Variants in FBXL2 observed in about 807,000 individuals in gnomAD.
FBXL2 encodes the protein F-box/LRR-repeat protein 2.
In FBXL2, 38 loss-of-function variants were observed where a neutral mutation model predicts 69.2. That is an observed-to-expected ratio of 0.55 (90% confidence interval 0.42 to 0.72). FBXL2 has a LOEUF of 0.72. Ranked by LOEUF, FBXL2 falls within the 30% of genes least tolerant of loss-of-function variation. FBXL2 has a pLI of 0.00. For missense variants in FBXL2, 354 were observed against 520.3 expected, an observed-to-expected ratio of 0.68 and a Z score of 3.11; for synonymous variants, 192 against 201.3, an observed-to-expected ratio of 0.95 and a Z score of 0.39.
At chr3:33,396,184 C>T (rs1460291806) in intron 12 of FBXL2, 8 of 1,584,890 alleles carry the variant, frequency 5.0e-6, no homozygotes, top group Non-Finnish European at 6.9e-6. Flanking sequence ...CACTGCCATT[C>T]TCGCTTGCAC....
At chr3:33,348,733 A>G (rs919580357) in intron 2 of FBXL2, among the ~76,000 whole-genome samples, 1 of 152,004 alleles carries the variant, frequency 6.6e-6, no homozygotes, top group Admixed American at 6.5e-5. Context: ...CTTCTAACCC[A>G]TGAACATGGA....
intron 5 of FBXL2, among the ~76,000 whole-genome samples, chr3:33,370,195 A>G (rs2042201139): frequency 6.6e-6 from 1 of 151,812 alleles, no homozygotes; most frequent in Admixed American, 6.6e-5. Context: ...CGGGCGGATC[A>G]TGAGGTCAGG....
At chr3:33,361,476 A>T (rs1413696749) in intron 4 of FBXL2, among the ~76,000 whole-genome samples, 2 of 151,324 alleles carry the variant, frequency 1.3e-5, no homozygotes, top group Admixed American at 1.3e-4. Context: ...GTGCCATTGC[A>T]CTCTAGCCTG....
rs999992337 is a variant in FBXL2 at position 33,385,765 on chromosome 3, G to A, written c.*157G>A. Reference sequence around the variant, plus strand: ...CTGTATGGATTGCAGTTACTCTGGTGATAGTTTTCACCTTTATTCTGCTGT... The same window carrying A: ...CTGTATGGATTGCAGTTACTCTGGTAATAGTTTTCACCTTTATTCTGCTGT... On this transcript the variant is annotated 3_prime_UTR_variant, in exon 15 of 15. Transcript: ENST00000484457. 4.8e-6 allele frequency: 3 copies of A among 630,588 alleles called. No homozygotes were observed. The highest frequency in any genetic ancestry group is 3.8e-5 in the South Asian group (2 of 52,800). 39.1% of individuals were successfully genotyped at this position (630,588 alleles called of 1,614,324 possible). A position where few individuals can be genotyped will look rare whatever the true frequency, so the allele number is the denominator to read the frequency against.
At chr3:33,357,771 C>T (rs959368078) in intron 2 of FBXL2, among the ~76,000 whole-genome samples, 1 of 152,026 alleles carries the variant, frequency 6.6e-6, no homozygotes, top group African/African-American at 2.4e-5. Flanking sequence ...CCTCGTGATC[C>T]GCCCACCTCG....
intron 1 of FBXL2, among the ~76,000 whole-genome samples, chr3:33,295,721 G>A (rs1486338043): frequency 1.3e-5 from 2 of 152,186 alleles, no homozygotes; most frequent in Non-Finnish European, 2.9e-5. Flanking sequence ...GAGAGTTCCA[G>A]TTTCTCCACA....
In FBXL2 at chr3:33,386,364, C is replaced by CTAAT. The variant is rs1304982301; in HGVS notation, c.*759_*762dup. On this transcript the variant is annotated 3_prime_UTR_variant, in exon 15 of 15. Transcript: ENST00000484457. ...ACACATTTTTACTAAAGGAAAAAAG[C>CTAAT]TAATTATGTCCATGCCTCTCGTAAA... is the stretch of plus-strand genomic sequence containing the variant. The CTAAT allele has an allele frequency of 6.6e-6, 1 of 152,194 alleles. No individual in the cohort carries two copies. The highest frequency in any genetic ancestry group is 1.5e-5 in the Non-Finnish European group (1 of 68,036). 9.4% of individuals were successfully genotyped at this position (152,194 alleles called of 1,614,324 possible). A position where few individuals can be genotyped will look rare whatever the true frequency, so the allele number is the denominator to read the frequency against.
chr3:33,412,629 C>A, the FBXL2 span: 1 of 855,266 alleles, frequency 1.2e-6, no homozygotes, highest in South Asian at 1.6e-5. Context: ...AAAACTTTCC[C>A]CACACAAGTA....
chr3:33,375,798 G>C (rs2042596321), intron 10 of FBXL2, among the ~76,000 whole-genome samples: 1 of 152,146 alleles, frequency 6.6e-6, no homozygotes, highest in South Asian at 2.1e-4. Context: ...TGGACAGAAT[G>C]AGGGGAATAT....
chr3:33,297,318 A>G (rs1308165523), intron 1 of FBXL2, among the ~76,000 whole-genome samples: 4 of 152,074 alleles, frequency 2.6e-5, no homozygotes, highest in Admixed American at 2.6e-4. Context: ...GTGCATTTTT[A>G]GAATTTTCTA....
chr3:33,397,119 T>C (rs2154055318), intron 12 of FBXL2: 2 of 1,595,984 alleles, frequency 1.3e-6, no homozygotes, highest in African/African-American at 1.4e-5. Flanking sequence ...CCTTTGTCAG[T>C]TTTAATAAGT....
chr3:33,359,206 T>G (rs1559600956), intron 3 of FBXL2, 77 bp from the exon 4 acceptor site: 4 of 1,308,306 alleles, frequency 3.1e-6, no homozygotes, highest in Non-Finnish European at 4.3e-6. Flanking sequence ...TAAAGGTTAA[T>G]CAAGACTTTC....
At position 33,348,859 on chromosome 3, in the gene FBXL2, T is replaced by C. The variant is rs577391923; in HGVS notation, c.66-10108T>C. Among the ~76,000 whole-genome samples the C allele has an allele frequency of 4.6e-5, 7 of 152,322 alleles. No individual in the cohort carries two copies. In the East Asian group the frequency reaches 9.6e-4, roughly 21 times the overall value. ...TTGCCTGATTCCTTATTTAATGTTA[T>C]TTAATTTTATTTGTGACTTGTAAAT... On this transcript the variant is annotated intron_variant, in intron 2 of 14. Coordinates refer to ENST00000484457, the MANE Select transcript of FBXL2 (RefSeq NM_012157.5).
At chr3:33,327,950 G>T (rs1189338182) in intron 2 of FBXL2, among the ~76,000 whole-genome samples, 1 of 68,412 alleles carries the variant, frequency 1.5e-5, no homozygotes, top group Non-Finnish European at 2.9e-5. Flanking sequence ...AAAAGCTAAA[G>T]AATCTACCAA....
intron 5 of FBXL2, among the ~76,000 whole-genome samples, chr3:33,370,052 G>A (rs2042189737): frequency 6.6e-6 from 1 of 151,950 alleles, no homozygotes; most frequent in African/African-American, 2.4e-5. Flanking sequence ...TTCTTTTACT[G>A]CAAGTCTGAT....
At chr3:33,378,922 A>G in intron 13 of FBXL2, 181 bp downstream of exon 13, 1 of 1,225,218 alleles carries the variant, frequency 8.2e-7, no homozygotes, top group South Asian at 1.8e-5. Flanking sequence ...CTTTCATTGA[A>G]TTTGCAATTT....
upstream of FBXL2, chr3:33,277,343 G>A (rs1392916835): frequency 2.8e-5 from 15 of 535,428 alleles, no homozygotes; most frequent in Non-Finnish European, 2.3e-5. Context: ...CGAGGGGTGG[G>A]CGGTCCAAAG....
intron 12 of FBXL2, chr3:33,400,111 A>T: frequency 1.0e-6 from 1 of 985,880 alleles, no homozygotes; most frequent in Non-Finnish European, 1.4e-6. Flanking sequence ...TCAAAATTTT[A>T]AAAATATAAA....
At chr3:33,409,372 T>A in the FBXL2 span, 1 of 1,614,006 alleles carries the variant, frequency 6.2e-7, no homozygotes, top group Non-Finnish European at 8.5e-7. Context: ...TACTATTTCA[T>A]CTATCAGGCT....
Sources: allele counts gnomAD v4.1 joint callset (sites outside exome capture counted in the v4.1 genomes callset), GRCh38; gene constraint gnomAD v4.1.1; transcripts MANE v1.5; gene names NCBI Gene and HGNC (gene_info 2026-07-23, HGNC 2026-07-21).